ENTPD1: variants seen among roughly 807,000 people sequenced by gnomAD.
ENTPD1 encodes ATP diphosphohydrolase.
A neutral mutation model predicts 57.0 loss-of-function variants in ENTPD1; 33 were observed. The observed-to-expected ratio is 0.58, with a 90% confidence interval of 0.44 to 0.77. ENTPD1 has a LOEUF of 0.77. Among genes scored for constraint, ENTPD1 ranks in the 30% least tolerant of loss-of-function variants. ENTPD1 has a pLI of 0.00. For missense variants in ENTPD1, 501 were observed against 603.4 expected, an observed-to-expected ratio of 0.83 and a Z score of 1.78; for synonymous variants, 202 against 218.8, an observed-to-expected ratio of 0.92 and a Z score of 0.68.
intron 1 of ENTPD1, among the ~76,000 whole-genome samples, chr10:95,736,629 T>G (rs1024168184): frequency 1.3e-5 from 2 of 152,156 alleles, no homozygotes; most frequent in African/African-American, 2.4e-5. Flanking sequence ...CCTTCAGATC[T>G]CTTCACTATT....
intron 1 of ENTPD1, among the ~76,000 whole-genome samples, chr10:95,803,095 A>G (rs936892576): frequency 3.3e-5 from 5 of 152,198 alleles, no homozygotes; most frequent in African/African-American, 1.2e-4. Flanking sequence ...TCTGTGAAGA[A>G]TCTCAATGGT....
chr10:95,715,929 A>G (rs1277404234), intron 1 of ENTPD1, among the ~76,000 whole-genome samples: 1 of 152,118 alleles, frequency 6.6e-6, no homozygotes, highest in Non-Finnish European at 1.5e-5. Flanking sequence ...CAGTGGTGTG[A>G]TCATGGATCA....
chr10:95,731,155 T>C (rs1438028584), intron 1 of ENTPD1, among the ~76,000 whole-genome samples: 1 of 152,226 alleles, frequency 6.6e-6, no homozygotes, highest in Admixed American at 6.5e-5. Context: ...AGATTTTAAA[T>C]CTTGAGACTT....
At chr10:95,717,424 G>A (rs532310402) in intron 1 of ENTPD1, among the ~76,000 whole-genome samples, 10 of 150,948 alleles carry the variant, frequency 6.6e-5, no homozygotes, top group Non-Finnish European at 1.3e-4. Flanking sequence ...CCCAAAGGGG[G>A]TTGCCGCTCC....
At chr10:95,708,410 C>G (rs945897043), upstream of ENTPD1, among the ~76,000 whole-genome samples, 7 of 151,940 alleles carry the variant, frequency 4.6e-5, no homozygotes, top group African/African-American at 1.7e-4. Context: ...GACAGGGTTT[C>G]ACTATGTTGG....
intron 2 of ENTPD1, among the ~76,000 whole-genome samples, chr10:95,830,898 G>C (rs2098394552): frequency 6.6e-6 from 1 of 152,194 alleles, no homozygotes; most frequent in African/African-American, 2.4e-5. Context: ...GCTTTGAAGG[G>C]TTTCATACAA....
At chr10:95,807,058 A>G (rs1359274259) in intron 1 of ENTPD1, among the ~76,000 whole-genome samples, 1 of 152,086 alleles carries the variant, frequency 6.6e-6, no homozygotes, top group Non-Finnish European at 1.5e-5. Flanking sequence ...TCAGACAGGG[A>G]TGTTTAAGTC....
intron 2 of ENTPD1, 29 bp from the exon 3 acceptor site, chr10:95,839,662 G>A: frequency 6.2e-7 from 1 of 1,609,580 alleles, no homozygotes; most frequent in Non-Finnish European, 8.5e-7. Context: ...ATGTGATACT[G>A]ATAAGTTTTT....
chr10:95,772,915 G>A (rs2098120273), intron 1 of ENTPD1, among the ~76,000 whole-genome samples: 1 of 152,138 alleles, frequency 6.6e-6, no homozygotes, highest in Non-Finnish European at 1.5e-5. Context: ...CCAGAGACAG[G>A]GAAATTTATA....
chr10:95,800,226 G>A (rs779413874), intron 1 of ENTPD1, among the ~76,000 whole-genome samples: 1 of 152,094 alleles, frequency 6.6e-6, no homozygotes, highest in Non-Finnish European at 1.5e-5. Flanking sequence ...TTTACAGCTG[G>A]TCTTCCGGGG....
chr10:95,750,830 C>T (rs2098010971), upstream of ENTPD1, among the ~76,000 whole-genome samples: 1 of 152,160 alleles, frequency 6.6e-6, no homozygotes, highest in Non-Finnish European at 1.5e-5. Flanking sequence ...CGAGACCAGC[C>T]TGGCCAATAT....
At chr10:95,801,598 C>G (rs918642452) in intron 1 of ENTPD1, among the ~76,000 whole-genome samples, 1 of 151,214 alleles carries the variant, frequency 6.6e-6, no homozygotes, top group African/African-American at 2.4e-5. Context: ...CAGAGATTTG[C>G]TTTTGTTGCC....
chr10:95,798,000 G>T (rs1356996426), intron 1 of ENTPD1, among the ~76,000 whole-genome samples: 1 of 152,160 alleles, frequency 6.6e-6, no homozygotes, highest in Non-Finnish European at 1.5e-5. Context: ...TAGATAAAAT[G>T]AGATGAACCA....
chr10:95,870,727 G>T lies in ENTPD1; in HGVS notation c.*4344G>T. 1.0e-6 allele frequency: 1 copy of T among 985,420 alleles called. No homozygotes were observed. Among genetic ancestry groups the T allele is most frequent in the Non-Finnish European group, 1.2e-6 (1 of 829,922 alleles). The allele number at this position is 985,420 out of a possible 1,614,324, so 61.0% of individuals were successfully genotyped here. A position where few individuals can be genotyped will look rare whatever the true frequency, so the allele number is the denominator to read the frequency against. On this transcript the variant is annotated 3_prime_UTR_variant, in exon 10 of 10. Transcript: ENST00000371205. ...CCCCTCTCTGATTCAAATACCAATA[G>T]TTGCTCTGATTCAAATTCCAACTGT...
intron 1 of ENTPD1, among the ~76,000 whole-genome samples, chr10:95,782,255 T>G (rs2098160849): frequency 6.6e-6 from 1 of 152,360 alleles, no homozygotes. Flanking sequence ...TCTATCATTC[T>G]AAAATGTTTC....
rs7088584 is a variant in ENTPD1, at chr10:95,847,887, G to T, written c.1074+181G>T. 0.53 allele frequency among the ~76,000 whole-genome samples: 81,286 copies of T among 152,034 alleles called. 22,176 individuals carry two copies. The highest frequency in any genetic ancestry group is 0.63 in the Admixed American group (9,590 of 15,286). ...CTTGGGATCAGTTTTTTCCACTATC[G>T]TTGTGATCTTTTTGTGCTAAGGTAT... On this transcript the variant is annotated intron_variant, in intron 7 of 9. Transcript: ENST00000371205.
chr10:95,845,792 T>G, intron 6 of ENTPD1, 196 bp downstream of exon 6: 1 of 759,224 alleles, frequency 1.3e-6, no homozygotes, highest in Admixed American at 2.5e-5. Flanking sequence ...CTCCCATGTT[T>G]GTTTACTGCG....
the ENTPD1 span, among the ~76,000 whole-genome samples, chr10:95,698,911 G>C: frequency 2.6e-5 from 4 of 152,106 alleles, no homozygotes; most frequent in Admixed American, 1.3e-4. Flanking sequence ...CCTGTGCATA[G>C]GCTAACAGGG....
chr10:95,728,389 CTG>C (rs2097985873), intron 1 of ENTPD1, among the ~76,000 whole-genome samples: 1 of 152,058 alleles, frequency 6.6e-6, no homozygotes, highest in Non-Finnish European at 1.5e-5. Flanking sequence ...TTTATGGATA[CTG>C]TAAGTTTATG....
Sources: gnomAD v4.1 joint callset for allele counts (sites outside exome capture counted in the v4.1 genomes callset) on GRCh38, gnomAD v4.1.1 for gene constraint, MANE v1.5 for transcripts, NCBI Gene and HGNC (gene_info 2026-07-23, HGNC 2026-07-21) for gene names.